The following CDC42BPA variants were observed in gnomAD, a reference collection of about 807,000 sequenced individuals.
The protein encoded by CDC42BPA is CDC42 binding protein kinase alpha.
Under a neutral mutation model 223.5 loss-of-function variants are expected in CDC42BPA, and 80 were observed. That is an observed-to-expected ratio of 0.36 (90% CI 0.30 to 0.43). The LOEUF is 0.43. Ranked by LOEUF, CDC42BPA falls within the 20% of genes least tolerant of loss-of-function variation. The pLI is 1.00. For synonymous variants in CDC42BPA, 694 were observed against 718.6 expected (o/e 0.97, Z 0.55); for missense variants, 1,743 against 2,099.9 (o/e 0.83, Z 3.32).
chr1:227,020,976 C>CA (rs1320622642), intron 32 of CDC42BPA, among the ~76,000 whole-genome samples: 1 of 152,032 alleles, frequency 6.6e-6, no homozygotes, highest in Non-Finnish European at 1.5e-5. Context: ...TAGAGAGGCC[C>CA]AATGAGAGGG....
chr1:227,209,573 T>C (rs1293755350), intron 3 of CDC42BPA, among the ~76,000 whole-genome samples: 1 of 144,454 alleles, frequency 6.9e-6, no homozygotes, highest in African/African-American at 2.6e-5. Context: ...TGAAGGGTTG[T>C]TGAATTTTGT....
Position 227,101,252 on chromosome 1 carries a change from T to G in CDC42BPA, c.2002-13A>C. On this transcript the variant is annotated splice_polypyrimidine_tract_variant and intron_variant, in intron 14 of 36. Coordinates refer to ENST00000366766, the MANE Select transcript of CDC42BPA (RefSeq NM_001394014.1). ...TAATTTGTTTTTGCTATAGAAATAA[T>G]AACAAAAGATTAGTGCATCTACAAG... is the stretch of plus-strand genomic sequence containing the variant. The G allele has an allele frequency of 6.8e-7, 1 of 1,471,034 alleles. No homozygotes were observed. The highest frequency in any genetic ancestry group is 9.2e-7 in the Non-Finnish European group (1 of 1,090,378). 91.1% of individuals were successfully genotyped at this position (1,471,034 alleles called of 1,614,324 possible).
chr1:227,257,050 A>C (rs1683200804), intron 1 of CDC42BPA, among the ~76,000 whole-genome samples: 1 of 151,812 alleles, frequency 6.6e-6, no homozygotes, highest in Admixed American at 6.6e-5. Context: ...AATGTGGATA[A>C]ATCTTGAAAA....
At chr1:227,122,326 A>G (rs1159536641) in intron 11 of CDC42BPA, among the ~76,000 whole-genome samples, 2 of 151,856 alleles carry the variant, frequency 1.3e-5, no homozygotes, top group African/African-American at 4.8e-5. Flanking sequence ...CTTCTCTAAC[A>G]TGTTGTTTTT....
intron 5 of CDC42BPA, among the ~76,000 whole-genome samples, chr1:227,173,963 C>T (rs1666527391): frequency 6.6e-6 from 1 of 151,876 alleles, no homozygotes; most frequent in African/African-American, 2.4e-5. Flanking sequence ...TGTAGTTGCC[C>T]CAAATTCCTT....
rs539977650 is a variant in CDC42BPA at position 227,057,241 on chromosome 1, C to T, written c.2905-5256G>A. Among the ~76,000 whole-genome samples the T allele has an allele frequency of 2.0e-5, 3 of 152,204 alleles. No homozygotes were observed. The South Asian group carries it at 6.2e-4, about 32-fold the overall frequency. On this transcript the variant is annotated intron_variant, in intron 21 of 36. Transcript: ENST00000366766. Reference sequence around the variant, plus strand: ...CTATCAATAAAAACTTTTTCTTCTACTATACTTAATACTATTTATAAAGAA... The same window carrying T: ...CTATCAATAAAAACTTTTTCTTCTATTATACTTAATACTATTTATAAAGAA...
chr1:227,262,826 A>G (rs549606333), intron 1 of CDC42BPA, among the ~76,000 whole-genome samples: 2 of 152,204 alleles, frequency 1.3e-5, no homozygotes, highest in Non-Finnish European at 2.9e-5. Context: ...TTAAAATATA[A>G]CTCACCTAAA....
intron 2 of CDC42BPA, among the ~76,000 whole-genome samples, chr1:227,238,599 A>G (rs1199517672): frequency 6.6e-6 from 1 of 152,288 alleles, no homozygotes; most frequent in South Asian, 2.1e-4. Context: ...AAGTTTGTTG[A>G]CCCACAGTCT....
At position 227,294,589 on chromosome 1, in the gene CDC42BPA, G is replaced by A. The variant is rs972269409; in HGVS notation, c.178+22416C>T. Among the ~76,000 whole-genome samples the A allele has an allele frequency of 5.5e-5, 4 of 73,070 alleles. 1 individual carries two copies. Among genetic ancestry groups the A allele is most frequent in the Admixed American group, 3.0e-4 (2 of 6,774 alleles). 47.9% of individuals were successfully genotyped at this position (73,070 alleles called of 152,430 possible). On this transcript the variant is annotated intron_variant, in intron 1 of 36. Coordinates refer to ENST00000366766, the MANE Select transcript of CDC42BPA (RefSeq NM_001394014.1). ...AAAAAGAGGTTAATTGGCCGGGCGC[G>A]GTGGCTCACGCCTGTAATCCCAGCA...
Position 227,317,583 on chromosome 1 carries a change from G to T in CDC42BPA, c.-401C>A. 2.5e-6 allele frequency: 1 copy of T among 397,172 alleles called. No individual in the cohort carries two copies. Among genetic ancestry groups the T allele is most frequent in the Non-Finnish European group, 4.4e-6 (1 of 225,974 alleles). The allele number at this position is 397,172 out of a possible 1,614,324, so 24.6% of individuals were successfully genotyped here. A position where few individuals can be genotyped will look rare whatever the true frequency, so the allele number is the denominator to read the frequency against. ...TGCAACGTAATCCTGAAACGAATCC[G>T]GTTGCATCATTAATGAATAAAGTCC... On this transcript the variant is annotated 5_prime_UTR_variant, in exon 1 of 37. Coordinates refer to ENST00000366766, the MANE Select transcript of CDC42BPA (RefSeq NM_001394014.1).
At chr1:227,216,385 AG>A (rs1236851296) in intron 2 of CDC42BPA, among the ~76,000 whole-genome samples, 10 of 152,210 alleles carry the variant, frequency 6.6e-5, no homozygotes, top group Non-Finnish European at 1.2e-4. Context: ...TGTGGTTATC[AG>A]GAATGCCATG....
intron 1 of CDC42BPA, among the ~76,000 whole-genome samples, chr1:227,290,427 A>G (rs1250451579): frequency 6.6e-6 from 1 of 151,976 alleles, no homozygotes; most frequent in East Asian, 1.9e-4. Context: ...CATTATAGAC[A>G]TAATACTTTA....
chr1:227,134,819 A>G (rs540496461), intron 10 of CDC42BPA, among the ~76,000 whole-genome samples: 15 of 152,224 alleles, frequency 9.9e-5, no homozygotes, highest in Non-Finnish European at 2.1e-4. Context: ...AACAAATTAA[A>G]GAATTCAAAA....
intron 2 of CDC42BPA, among the ~76,000 whole-genome samples, chr1:227,226,494 G>C (rs911229783): frequency 6.6e-6 from 1 of 152,116 alleles, no homozygotes; most frequent in African/African-American, 2.4e-5. Flanking sequence ...AAAACTTCCA[G>C]GATCTATGGT....
chr1:227,195,217 CAG>C (rs1218255048), intron 4 of CDC42BPA, among the ~76,000 whole-genome samples: 2 of 152,132 alleles, frequency 1.3e-5, no homozygotes, highest in East Asian at 3.9e-4. Flanking sequence ...TGTTTTGAGA[CAG>C]AGTCTTGCTC....
chr1:227,206,804 C>T (rs1043724373), intron 3 of CDC42BPA, among the ~76,000 whole-genome samples: 1 of 151,954 alleles, frequency 6.6e-6, no homozygotes, highest in African/African-American at 2.4e-5. Flanking sequence ...GTCTTGCATC[C>T]CAACAATAAA....
At chr1:227,060,716 A>AGTTTTTTTTT (rs1373925166) in intron 21 of CDC42BPA, among the ~76,000 whole-genome samples, 9 of 126,552 alleles carry the variant, frequency 7.1e-5, no homozygotes, top group African/African-American at 1.8e-4. Context: ...GTAAATAGGT[A>AGTTTTTTTTT]CTTTTTTTTT....
chr1:227,100,773 T>TGTGTGTGTGTGC (rs1417516900), intron 15 of CDC42BPA, among the ~76,000 whole-genome samples: 2 of 130,834 alleles, frequency 1.5e-5, no homozygotes, highest in Admixed American at 1.8e-4. Flanking sequence ...TGTGTGTGTG[T>TGTGTGTGTGTGC]GTGTGCGTGT....
rs957907145 is a variant in CDC42BPA at position 227,112,808 on chromosome 1, G to T, written c.1753C>A (p.Arg585=). 6.2e-7 allele frequency: 1 copy of T among 1,613,856 alleles called. No homozygotes were observed. Among genetic ancestry groups the T allele is most frequent in the Non-Finnish European group, 8.5e-7 (1 of 1,179,978 alleles). Residue 585 remains arginine (R), a synonymous_variant, in exon 13 of 37, where the codon CGG becomes AGG. Transcript: ENST00000366766. ...AMQEFMEINE[R]LTELHTQKQK... ...TTTTGGGTGTGCAATTCTGTTAGCC[G>T]CTCATTGATCTCCATGAATTCCTGC... is the stretch of plus-strand genomic sequence containing the variant.
Sources: gnomAD v4.1 joint callset for allele counts (sites outside exome capture counted in the v4.1 genomes callset) on GRCh38, gnomAD v4.1.1 for gene constraint, MANE v1.5 for transcripts, NCBI Gene and HGNC (gene_info 2026-07-23, HGNC 2026-07-21) for gene names.